FBXO38: variants seen among roughly 807,000 people sequenced by gnomAD.
FBXO38 encodes F-box protein 38.
In FBXO38, 53 loss-of-function variants were observed where a neutral mutation model predicts 131.9. The observed-to-expected ratio is 0.40, with a 90% CI of 0.32 to 0.51. FBXO38 has a LOEUF of 0.51. FBXO38 is among the 20% of genes least tolerant of loss of function. FBXO38 has a pLI of 0.53. For missense variants in FBXO38, 1,076 were observed against 1,475.6 expected (o/e 0.73, Z 4.44); for synonymous variants, 452 against 505.6 (o/e 0.89, Z 1.42).
Position 148,433,608 on chromosome 5 carries a change from T to C in FBXO38, c.2755-27T>C, listed in dbSNP as rs370095910. 1,274 of 1,561,822 alleles carry C rather than the reference T, an allele frequency of 8.2e-4. 23 individuals are homozygous for C. In the South Asian group the frequency reaches 0.013, roughly 15 times the overall value. Reference sequence around the variant, plus strand: ...ACATAAACTAAAGTTTGTATCTTTATATAGTTTCTAATTTTTCTGCTTGTA... The same window carrying C: ...ACATAAACTAAAGTTTGTATCTTTACATAGTTTCTAATTTTTCTGCTTGTA... On this transcript the variant is annotated intron_variant, in intron 16 of 21. Coordinates refer to ENST00000340253, the MANE Select transcript of FBXO38 (RefSeq NM_205836.3).
At chr5:148,387,804 G>A (rs1757994067) in intron 1 of FBXO38, among the ~76,000 whole-genome samples, 1 of 147,492 alleles carries the variant, frequency 6.8e-6, no homozygotes, top group Non-Finnish European at 1.5e-5. Context: ...CAATTCTCCT[G>A]CCTCAGCCTC....
intron 3 of FBXO38, among the ~76,000 whole-genome samples, chr5:148,400,687 C>T (rs901436877): frequency 1.3e-5 from 2 of 152,074 alleles, no homozygotes; most frequent in Non-Finnish European, 2.9e-5. Context: ...TTTGGATTCT[C>T]ACTCCATCTC....
At position 148,427,418 on chromosome 5, in the gene FBXO38, C is replaced by T. The variant is rs200963462; in HGVS notation, c.2124C>T (p.Thr708=). Residue 708 remains threonine, a synonymous_variant, in exon 15 of 22, where the codon ACC becomes ACT. Coordinates refer to ENST00000340253, the MANE Select transcript of FBXO38 (RefSeq NM_205836.3). Reference sequence around the variant, plus strand: ...TTTATCCCAGCTGCAGCAGCACCACCGCCAGCACAGTGGGAAACTCCAGCT... The same window carrying T: ...TTTATCCCAGCTGCAGCAGCACCACTGCCAGCACAGTGGGAAACTCCAGCT... ...KDVYPSCSST[T]ASTVGNSSSH... The T allele has an allele frequency of 6.2e-7, 1 of 1,614,188 alleles. No individual in the cohort carries two copies. Among genetic ancestry groups the T allele is most frequent in the Non-Finnish European group, 8.5e-7 (1 of 1,180,032 alleles).
At chr5:148,421,386 G>GA (rs1306226112) in intron 12 of FBXO38, among the ~76,000 whole-genome samples, 2 of 151,806 alleles carry the variant, frequency 1.3e-5, no homozygotes, top group African/African-American at 2.4e-5. Flanking sequence ...ACTACAGTCT[G>GA]AAAAAAAATC....
intron 11 of FBXO38, 50 bp from the exon 12 acceptor site, chr5:148,416,944 A>G (rs778566381): frequency 1.9e-6 from 2 of 1,079,838 alleles, no homozygotes; most frequent in Non-Finnish European, 2.9e-6. Context: ...AAATGAAGGG[A>G]TATATACTAA....
intron 12 of FBXO38, among the ~76,000 whole-genome samples, chr5:148,418,003 C>T (rs1753159909): frequency 6.6e-6 from 1 of 152,090 alleles, no homozygotes; most frequent in Non-Finnish European, 1.5e-5. Context: ...GCATGATTTC[C>T]TTTAGGGGCA....
In FBXO38 at chr5:148,397,854, ATGTC is replaced by A. The variant is rs1758560812; in HGVS notation, c.129-1144_129-1141del. On this transcript the variant is annotated intron_variant, in intron 2 of 21. Coordinates refer to ENST00000340253, the MANE Select transcript of FBXO38 (RefSeq NM_205836.3). Reference sequence around the variant, plus strand: ...AAATGGAGTAATAATAGTGTATACTATGTCAGTGAAGTGCCAGCAGATAACAGAA... The same window carrying A: ...AAATGGAGTAATAATAGTGTATACTAAGTGAAGTGCCAGCAGATAACAGAA... Among the ~76,000 whole-genome samples the A allele has an allele frequency of 5.3e-5, 8 of 152,310 alleles. No homozygotes were observed. The South Asian group carries it at 1.7e-3, about 32-fold the overall frequency.
Position 148,414,198 on chromosome 5 carries a change from A to G in FBXO38, c.1156A>G (p.Ile386Val), listed in dbSNP as rs571472179. ...GGCTGATGTGGTAGAAAATCCTGGT[A>G]TCATCACTGATATAGGGATGAAAGC... ...GLADVVENPGIITDIGMKAVN... is the reference protein window; with the variant it reads ...GLADVVENPGVITDIGMKAVN... The change falls in exon 10 of 22, where the codon ATC becomes GTC. Residue 386 changes from isoleucine to valine, a missense_variant. By Grantham distance (29) the Ile-to-Val change is conservative. Transcript: ENST00000340253. The G allele has an allele frequency of 1.9e-6, 3 of 1,612,710 alleles. No individual in the cohort carries two copies. The highest frequency in any genetic ancestry group is 2.2e-5 in the South Asian group (2 of 90,994).
At chr5:148,406,221 T>C (rs1010030143) in intron 6 of FBXO38, 36 bp from the exon 7 acceptor site, 4 of 1,524,062 alleles carry the variant, frequency 2.6e-6, no homozygotes, top group East Asian at 2.4e-5. Flanking sequence ...TAAGGCACTT[T>C]ACATTGTTCT....
intron 1 of FBXO38, among the ~76,000 whole-genome samples, chr5:148,386,645 G>A (rs1243881811): frequency 1.3e-5 from 2 of 152,030 alleles, no homozygotes; most frequent in Non-Finnish European, 2.9e-5. Flanking sequence ...GAGTCTTAGG[G>A]TCTAGAAGTT....
In FBXO38 at chr5:148,399,239, T is replaced by A. The variant is rs914704064; in HGVS notation, c.262+107T>A. ...CTTGAGAAAGGCAATCTAAGTCACC[T>A]TGTAGGCTGGCAAGATTTTGTCTAA... On this transcript the variant is annotated intron_variant, in intron 3 of 21. Transcript: ENST00000340253. The A allele has an allele frequency of 8.5e-6, 11 of 1,298,050 alleles. No homozygotes were observed. In the Admixed American group the frequency reaches 1.5e-4, roughly 17 times the overall value. The allele number at this position is 1,298,050 out of a possible 1,614,324, so 80.4% of individuals were successfully genotyped here.
intron 17 of FBXO38, among the ~76,000 whole-genome samples, chr5:148,436,954 A>G (rs1754377908): frequency 6.6e-6 from 1 of 152,236 alleles, no homozygotes. Flanking sequence ...TTACAGTAGC[A>G]CTGGAAGAAC....
intron 6 of FBXO38, 137 bp downstream of exon 6, chr5:148,404,959 G>T: frequency 2.0e-5 from 13 of 641,606 alleles, no homozygotes; most frequent in Admixed American, 4.7e-5. Flanking sequence ...ATCTTGTGAA[G>T]ATAAATGTAC....
intron 15 of FBXO38, among the ~76,000 whole-genome samples, chr5:148,432,777 T>G (rs1479546138): frequency 6.6e-6 from 1 of 152,248 alleles, no homozygotes; most frequent in African/African-American, 2.4e-5. Context: ...TTGTTGCCTT[T>G]AACGAGCTGT....
intron 13 of FBXO38, among the ~76,000 whole-genome samples, chr5:148,424,860 G>C (rs1212104845): frequency 2.6e-5 from 4 of 151,548 alleles, no homozygotes; most frequent in African/African-American, 9.8e-5. Flanking sequence ...AAAAAAGCTA[G>C]GTTCCTTGGA....
intron 9 of FBXO38, 36 bp downstream of exon 9, chr5:148,410,801 G>C (rs775094186): frequency 6.4e-7 from 1 of 1,557,716 alleles, no homozygotes; most frequent in East Asian, 2.3e-5. Context: ...TAGAATTACT[G>C]TAAGAAATTT....
At position 148,402,071 on chromosome 5, in the gene FBXO38, C is replaced by T. The variant is rs753065225; in HGVS notation, c.352C>T (p.Arg118Ter). Residue 118 changes from arginine (R) to a stop codon, truncating the protein, a stop_gained, in exon 4 of 22, where the codon CGA becomes TGA. Coordinates refer to ENST00000340253, the MANE Select transcript of FBXO38 (RefSeq NM_205836.3). LOFTEE classifies it high-confidence loss of function. ...CCTTCACCCTCGATACCTTGAGAGG[C>T]GAAGAGTAAGGGGCCATGAGGCTTT... ...YGLHPRYLER[R>*]RVRGHEAFSI... 1.2e-6 allele frequency: 2 copies of T among 1,613,522 alleles called. No individual in the cohort carries two copies. The highest frequency in any genetic ancestry group is 1.7e-5 in the Admixed American group (1 of 59,984).
intron 2 of FBXO38, among the ~76,000 whole-genome samples, chr5:148,395,134 T>G (rs1208409116): frequency 6.6e-6 from 1 of 152,198 alleles, no homozygotes; most frequent in Non-Finnish European, 1.5e-5. Flanking sequence ...AAATATTTCT[T>G]TTGTCACATA....
At chr5:148,404,656 G>C (rs775094778) in intron 5 of FBXO38, 29 bp from the exon 6 acceptor site, 1 of 1,507,762 alleles carries the variant, frequency 6.6e-7, no homozygotes, top group East Asian at 2.5e-5. Context: ...TTTTTTTCTT[G>C]TTTGTTCTTT....
Sources: gnomAD v4.1 joint callset for allele counts (sites outside exome capture counted in the v4.1 genomes callset) on GRCh38, gnomAD v4.1.1 for gene constraint, MANE v1.5 for transcripts, NCBI Gene and HGNC (gene_info 2026-07-23, HGNC 2026-07-21) for gene names.